The following ADAMTS9 variants were observed in gnomAD, a reference collection of about 807,000 sequenced individuals.
ADAMTS9 encodes ADAM metallopeptidase with thrombospondin type 1 motif 9.
A neutral mutation model predicts 257.1 loss-of-function variants in ADAMTS9; 107 were observed. That is an observed-to-expected ratio of 0.42 (90% CI 0.36 to 0.49). The LOEUF (loss-of-function observed/expected upper bound fraction) is 0.49, where lower values mean the gene tolerates loss of function less well. ADAMTS9 is among the 20% of genes least tolerant of loss of function. The probability of loss-of-function intolerance (pLI) is 0.03; values close to 1 mark genes in which losing one functional copy is unlikely to be tolerated. For synonymous variants in ADAMTS9, 982 were observed against 880.9 expected (o/e 1.11, Z -2.03); for missense variants, 2,353 against 2,469.1 (o/e 0.95, Z 1.00).
chr3:64,582,192 G>T (rs1371839911), intron 28 of ADAMTS9, among the ~76,000 whole-genome samples: 1 of 152,188 alleles, frequency 6.6e-6, no homozygotes, highest in African/African-American at 2.4e-5. Flanking sequence ...GATTTGCAGA[G>T]TGGAAAAGAG....
rs2106858439 is a variant in ADAMTS9 at position 64,516,662 on chromosome 3, G to A, written c.*465C>T. The A allele has an allele frequency of 6.6e-6, 1 of 152,652 alleles. No individual in the cohort carries two copies. The highest frequency in any genetic ancestry group is 3.4e-3 in the Middle Eastern group (1 of 294). The allele number at this position is 152,652 out of a possible 1,614,324, so 9.5% of individuals were successfully genotyped here. A position where few individuals can be genotyped will look rare whatever the true frequency, so the allele number is the denominator to read the frequency against. ...ATACTTATTGGCTGATACTTGCCTA[G>A]AAATGCCAAAAATATCTTTTATACA... On this transcript the variant is annotated 3_prime_UTR_variant, in exon 40 of 40. Coordinates refer to ENST00000498707, the MANE Select transcript of ADAMTS9 (RefSeq NM_182920.2).
At chr3:64,577,446 T>C (rs1263183053) in intron 28 of ADAMTS9, among the ~76,000 whole-genome samples, 2 of 152,200 alleles carry the variant, frequency 1.3e-5, no homozygotes, top group Admixed American at 1.3e-4. Context: ...AAGGACCCAC[T>C]CTATGCCTGC....
intron 25 of ADAMTS9, 89 bp from the exon 26 acceptor site, chr3:64,602,302 C>G (rs377402462): frequency 1.1e-4 from 172 of 1,496,458 alleles, no homozygotes; most frequent in East Asian, 1.8e-4. Context: ...AATGGCCCAC[C>G]ACTTTCCCAA....
At chr3:64,667,639 G>A (rs1701382016) in intron 3 of ADAMTS9, among the ~76,000 whole-genome samples, 1 of 152,090 alleles carries the variant, frequency 6.6e-6, no homozygotes, top group African/African-American at 2.4e-5. Flanking sequence ...TGAGAGCTGG[G>A]TGCACTACCC....
chr3:64,618,109 G>A (rs1452057355), intron 19 of ADAMTS9, among the ~76,000 whole-genome samples: 1 of 152,090 alleles, frequency 6.6e-6, no homozygotes. Flanking sequence ...CTGACAAATA[G>A]GCATGATCTT....
At chr3:64,681,020 A>G (rs1467280022) in intron 3 of ADAMTS9, among the ~76,000 whole-genome samples, 181 bp downstream of exon 3, 1 of 152,178 alleles carries the variant, frequency 6.6e-6, no homozygotes, top group Admixed American at 6.5e-5. Flanking sequence ...CAAGGTACTA[A>G]ACCTCTCCTT....
chr3:64,561,452 T>C (rs2083421274), intron 30 of ADAMTS9, 126 bp downstream of exon 30: 11 of 1,093,080 alleles, frequency 1.0e-5, no homozygotes, highest in African/African-American at 4.7e-5. Flanking sequence ...AGTGAACCTT[T>C]TGGGAAAGAG....
At chr3:64,678,609 G>A (rs1370752270) in intron 3 of ADAMTS9, among the ~76,000 whole-genome samples, 1 of 152,172 alleles carries the variant, frequency 6.6e-6, no homozygotes, top group African/African-American at 2.4e-5. Context: ...TGGGGGTTGG[G>A]AGGGAAGATG....
chr3:64,593,961 A>ATGTGTGTGTGTGTGTGTGTGTG (rs200112357), intron 28 of ADAMTS9, among the ~76,000 whole-genome samples: 2 of 108,262 alleles, frequency 1.8e-5, no homozygotes, highest in Non-Finnish European at 3.3e-5. Context: ...TGTGTGTATG[A>ATGTGTGTGTGTGTGTGTGTGTG]TGTGTGTGTG....
At position 64,546,833 on chromosome 3, in the gene ADAMTS9, C is replaced by G. The variant is rs2083206553; in HGVS notation, c.4989G>C (p.Gln1663His). 4 of 1,613,998 alleles carry G rather than the reference C, an allele frequency of 2.5e-6. No individual in the cohort carries two copies. Among genetic ancestry groups the G allele is most frequent in the African/African-American group, 1.3e-5 (1 of 74,928 alleles). ...YQTTINCPGT[Q>H]PPSVHPCYLR... ...GGTAACAGGGGTGAACACTGGGGGG[C>G]TGCGTGCCTGGGCAGTTGATGGTGG... The change falls in exon 32 of 40, where the codon CAG becomes CAC. Residue 1663 changes from glutamine to histidine, a missense_variant. Transcript: ENST00000498707.
In ADAMTS9 at chr3:64,541,133, T is replaced by C; in HGVS notation, c.5483A>G (p.Gln1828Arg). Residue 1828 changes from glutamine (Q) to arginine (R), a missense_variant, in exon 36 of 40, where the codon CAG becomes CGG. Gln to Arg is a conservative substitution (Grantham distance 43). Around this residue, in one of 3 missense-constraint regions of ADAMTS9, gnomAD observed 1,402 missense variants for 1,441.4 expected, o/e 0.97. Transcript: ENST00000498707. ...DYTAAGFSSF[Q>R]KIRIDLTSMQ... ...GCTGGTCAGGTCTATTCTGATTTTC[T>C]GAAAACTGGAAAACCCAGCGGCCGT... 6.2e-7 allele frequency: 1 copy of C among 1,614,174 alleles called. No homozygotes were observed. The highest frequency in any genetic ancestry group is 2.2e-5 in the East Asian group (1 of 44,886).
chr3:64,563,704 T>C (rs2083470074), intron 29 of ADAMTS9, among the ~76,000 whole-genome samples: 1 of 152,232 alleles, frequency 6.6e-6, no homozygotes, highest in African/African-American at 2.4e-5. Flanking sequence ...AGTTCAATTA[T>C]ACGATATGTC....
At chr3:64,560,303 G>A (rs564907264) in intron 30 of ADAMTS9, among the ~76,000 whole-genome samples, 19 of 152,298 alleles carry the variant, frequency 1.2e-4, no homozygotes, top group Admixed American at 1.2e-3. Context: ...CCCTGCCACT[G>A]TCTGGTGGGA....
At position 64,596,864 on chromosome 3, in the gene ADAMTS9, G is replaced by C; in HGVS notation, c.4145C>G (p.Pro1382Arg). 1.2e-6 allele frequency: 2 copies of C among 1,614,000 alleles called. No homozygotes were observed. Among genetic ancestry groups the C allele is most frequent in the Non-Finnish European group, 8.5e-7 (1 of 1,179,948 alleles). The part of the protein sequence containing the change: ...PDEQRACESG[P>R]CPQWAYGNWG... ...GTTGCCATAAGCCCACTGAGGACAAGGGCCGGATTCACAGGCTCTTTGCTC... is the reference window on the plus strand; with the variant it reads ...GTTGCCATAAGCCCACTGAGGACAACGGCCGGATTCACAGGCTCTTTGCTC... Residue 1382 changes from proline to arginine, a missense_variant, in exon 27 of 40, where the codon CCT (proline) becomes CGT (arginine). This residue lies in a region of ADAMTS9 where 1,402 missense variants were observed against 1,441.4 expected (regional missense o/e 0.97). Coordinates refer to ENST00000498707, the MANE Select transcript of ADAMTS9 (RefSeq NM_182920.2).
At chr3:64,645,303 CAA>C (rs1280783936) in intron 11 of ADAMTS9, among the ~76,000 whole-genome samples, 6 of 152,050 alleles carry the variant, frequency 3.9e-5, no homozygotes, top group Non-Finnish European at 5.9e-5. Flanking sequence ...AAACTTGAAA[CAA>C]AAGAGTTTCA....
intron 30 of ADAMTS9, among the ~76,000 whole-genome samples, chr3:64,556,585 T>C (rs904060759): frequency 3.3e-5 from 5 of 152,210 alleles, no homozygotes; most frequent in African/African-American, 9.6e-5. Flanking sequence ...CCTCCCAAAG[T>C]GCTGGGATTA....
chr3:64,533,811 T>C (rs1383931308), intron 37 of ADAMTS9, among the ~76,000 whole-genome samples: 1 of 152,142 alleles, frequency 6.6e-6, no homozygotes, highest in East Asian at 1.9e-4. Context: ...GAGGGCAGGG[T>C]TGGCCTGCTC....
At chr3:64,570,272 A>G (rs2083646514) in intron 28 of ADAMTS9, among the ~76,000 whole-genome samples, 2 of 152,214 alleles carry the variant, frequency 1.3e-5, no homozygotes. Flanking sequence ...AGGGAAGCTG[A>G]CATTAATTAA....
At chr3:64,540,857 T>C (rs1165092277) in intron 36 of ADAMTS9, among the ~76,000 whole-genome samples, 3 of 152,206 alleles carry the variant, frequency 2.0e-5, no homozygotes, top group African/African-American at 7.2e-5. Flanking sequence ...AGCACCTGCC[T>C]TGTGCGAGCC....
Sources: gnomAD v4.1 joint callset for allele counts (sites outside exome capture counted in the v4.1 genomes callset) on GRCh38, gnomAD v4.1.1 for gene constraint, gnomAD v4.1.1 regional missense constraint, MANE v1.5 for transcripts, NCBI Gene and HGNC (gene_info 2026-07-23, HGNC 2026-07-21) for gene names.